The following NTM variants were observed in gnomAD, a reference collection of about 807,000 sequenced individuals.
NTM encodes neurotrimin.
Under a neutral mutation model 42.1 loss-of-function variants are expected in NTM, and 13 were observed. The observed-to-expected ratio is 0.31, with a 90% CI of 0.20 to 0.49. NTM has a LOEUF of 0.49. Ranked by LOEUF, NTM falls within the 20% of genes least tolerant of loss-of-function variation. The pLI is 0.99. For synonymous variants in NTM, 187 were observed against 179.2 expected, an observed-to-expected ratio of 1.04 and a Z score of -0.35; for missense variants, 373 against 452.8, an observed-to-expected ratio of 0.82 and a Z score of 1.60.
intron 4 of NTM, among the ~76,000 whole-genome samples, chr11:132,223,934 C>T (rs552229552): frequency 2.0e-5 from 3 of 152,230 alleles, no homozygotes; most frequent in East Asian, 3.9e-4. Context: ...GTTGCAGTCA[C>T]CCCAGATAAT....
At chr11:132,220,811 A>G (rs766064968) in intron 4 of NTM, among the ~76,000 whole-genome samples, 8 of 152,236 alleles carry the variant, frequency 5.3e-5, no homozygotes, top group Non-Finnish European at 1.0e-4. Flanking sequence ...AGAAGATTGT[A>G]TCATCCTCCC....
chr11:131,888,524 G>A (rs944952916), intron 1 of NTM, among the ~76,000 whole-genome samples: 1 of 152,048 alleles, frequency 6.6e-6, no homozygotes, highest in African/African-American at 2.4e-5. Context: ...CAGGTCAAAG[G>A]TCACTGCAGC....
intron 1 of NTM, among the ~76,000 whole-genome samples, chr11:131,763,004 C>T (rs2084476599): frequency 6.6e-6 from 1 of 152,232 alleles, no homozygotes; most frequent in East Asian, 1.9e-4. Flanking sequence ...GTTCTGCTGA[C>T]ACCCAGGGAG....
intron 1 of NTM, among the ~76,000 whole-genome samples, chr11:131,496,334 T>C (rs1354330517): frequency 2.0e-5 from 3 of 152,242 alleles, no homozygotes; most frequent in Admixed American, 6.5e-5. Flanking sequence ...CTGGTGATGC[T>C]GCATCTGTGC....
intron 2 of NTM, among the ~76,000 whole-genome samples, chr11:132,046,085 C>A (rs547756610): frequency 8.5e-5 from 13 of 152,256 alleles, no homozygotes; most frequent in African/African-American, 2.9e-4. Context: ...GAGTGAGTTA[C>A]TCAACATATT....
At chr11:132,274,068 G>A (rs1428346992) in intron 4 of NTM, among the ~76,000 whole-genome samples, 1 of 151,976 alleles carries the variant, frequency 6.6e-6, no homozygotes, top group African/African-American at 2.4e-5. Flanking sequence ...TGTAAGTTTG[G>A]CAGTAATGTT....
chr11:131,392,623 C>T (rs1220873615), intron 1 of NTM, among the ~76,000 whole-genome samples: 1 of 152,172 alleles, frequency 6.6e-6, no homozygotes, highest in Non-Finnish European at 1.5e-5. Context: ...GAAGAGAGGG[C>T]AGGAGGAGTT....
intron 1 of NTM, among the ~76,000 whole-genome samples, chr11:131,618,484 T>A (rs965181588): frequency 2.0e-5 from 3 of 152,266 alleles, no homozygotes; most frequent in African/African-American, 4.8e-5. Flanking sequence ...TCTGGTGACA[T>A]GCTATCCGAA....
intron 1 of NTM, chr11:131,582,344 G>T (rs570096975): frequency 1.3e-5 from 2 of 152,198 alleles, no homozygotes; most frequent in African/African-American, 2.4e-5. Context: ...CTTCCTGCTC[G>T]TCAGCTGGGC....
At chr11:132,025,899 T>A (rs186656806) in intron 2 of NTM, among the ~76,000 whole-genome samples, 1 of 152,214 alleles carries the variant, frequency 6.6e-6, no homozygotes, top group Admixed American at 6.5e-5. Context: ...GGAAGCAACC[T>A]CCCAGCTTTG....
intron 7 of NTM, among the ~76,000 whole-genome samples, chr11:132,324,439 A>G (rs1309540593): frequency 2.1e-4 from 32 of 150,806 alleles, no homozygotes; most frequent in Admixed American, 4.6e-4. Context: ...GAAAGAGAAT[A>G]AAATACCTAG....
intron 1 of NTM, among the ~76,000 whole-genome samples, chr11:131,780,993 T>TA (rs1488762797): frequency 6.6e-6 from 1 of 152,158 alleles, no homozygotes; most frequent in Non-Finnish European, 1.5e-5. Context: ...ACACAATTTT[T>TA]AAAAAATTAT....
intron 2 of NTM, among the ~76,000 whole-genome samples, chr11:132,010,189 C>T (rs1213146111): frequency 1.3e-5 from 2 of 152,184 alleles, no homozygotes; most frequent in Admixed American, 1.3e-4. Flanking sequence ...CTATTTGGAA[C>T]TAAGTGTTTC....
At chr11:132,319,841 C>A in intron 7 of NTM, among the ~76,000 whole-genome samples, 1 of 152,314 alleles carries the variant, frequency 6.6e-6, no homozygotes, top group South Asian at 2.1e-4. Context: ...CCCTGACCCC[C>A]GAGTAGCCTA....
intron 1 of NTM, among the ~76,000 whole-genome samples, chr11:131,741,080 G>A (rs543804675): frequency 5.3e-5 from 8 of 151,998 alleles, no homozygotes; most frequent in African/African-American, 1.7e-4. Flanking sequence ...CAGGAGAATT[G>A]TTTGAACCCG....
intron 1 of NTM, among the ~76,000 whole-genome samples, chr11:131,470,007 G>A (rs892949879): frequency 2.0e-5 from 3 of 152,168 alleles, no homozygotes; most frequent in African/African-American, 7.2e-5. Flanking sequence ...TTATTCCAAT[G>A]AGAACAAAAT....
chr11:131,890,339 C>T (rs1565684982), intron 1 of NTM, among the ~76,000 whole-genome samples: 1 of 152,132 alleles, frequency 6.6e-6, no homozygotes, highest in Non-Finnish European at 1.5e-5. Flanking sequence ...CTGTGAGGTT[C>T]CTTAAATGTG....
At chr11:131,565,995 T>C (rs780084370) in intron 1 of NTM, among the ~76,000 whole-genome samples, 5 of 152,312 alleles carry the variant, frequency 3.3e-5, no homozygotes, top group Admixed American at 6.5e-5. Context: ...ATGGGTAACC[T>C]GTGTGCACCT....
At chr11:131,899,177 A>G (rs1402887456) in intron 1 of NTM, among the ~76,000 whole-genome samples, 1 of 65,386 alleles carries the variant, frequency 1.5e-5, no homozygotes, top group Non-Finnish European at 2.9e-5. Context: ...GCAGTGTACA[A>G]AAAACAAGTG....
Sources: gnomAD v4.1 joint callset for allele counts (sites outside exome capture counted in the v4.1 genomes callset) on GRCh38, gnomAD v4.1.1 for gene constraint, MANE v1.5 for transcripts, NCBI Gene and HGNC (gene_info 2026-07-23, HGNC 2026-07-21) for gene names.